Variants in POC5 observed in about 807,000 individuals in gnomAD.
POC5 encodes POC5 centriolar protein.
POC5 carries 48 observed loss-of-function variants against 62.9 expected under a neutral mutation model. The ratio of observed to expected loss-of-function variants is 0.76; its 90% CI spans 0.61 to 0.97. The LOEUF is 0.97. Ranked by LOEUF, POC5 falls within the 50% of genes least tolerant of loss-of-function variation. The pLI is 0.00. For synonymous variants in POC5, 236 were observed against 228.2 expected, an observed-to-expected ratio of 1.03 and a Z score of -0.31; for missense variants, 696 against 679.5, an observed-to-expected ratio of 1.02 and a Z score of -0.27.
intron 5 of POC5, among the ~76,000 whole-genome samples, chr5:75,701,249 G>T (rs1339029396): frequency 7.1e-5 from 10 of 140,862 alleles, no homozygotes; most frequent in East Asian, 2.0e-4. Context: ...TAAATCATGC[G>T]GCTATAAAGA....
At chr5:75,691,739 T>C (rs1776346651) in intron 7 of POC5, among the ~76,000 whole-genome samples, 1 of 152,158 alleles carries the variant, frequency 6.6e-6, no homozygotes, top group Non-Finnish European at 1.5e-5. Flanking sequence ...CCTATATTCA[T>C]GTGTCTCTAA....
At chr5:75,675,617 G>A (rs1435438777) in intron 11 of POC5, among the ~76,000 whole-genome samples, 1 of 152,040 alleles carries the variant, frequency 6.6e-6, no homozygotes, top group African/African-American at 2.4e-5. Flanking sequence ...TTATAAAAAC[G>A]TTTATTTGTA....
chr5:75,701,800 G>A (rs1043557790), intron 5 of POC5, among the ~76,000 whole-genome samples: 18 of 152,112 alleles, frequency 1.2e-4, no homozygotes, highest in Non-Finnish European at 2.5e-4. Context: ...TTAAAGGCCA[G>A]TAGTATCAAA....
In POC5 at chr5:75,707,864, T is replaced by C; in HGVS notation, c.96A>G (p.Glu32=). ...SVSSNLQEEY[E]ELLHYAIVTP... is the part of the protein sequence containing the mutation. ...TCACTATAGCATAATGAAGCAGTTC[T>C]TCATATTCTTCCTAAGAGAGGCCAA... Residue 32 remains glutamate (E), a synonymous_variant, in exon 3 of 12, where the codon GAA becomes GAG. Transcript: ENST00000428202. The C allele has an allele frequency of 3.2e-6, 5 of 1,584,514 alleles. No homozygotes were observed. The highest frequency in any genetic ancestry group is 4.3e-6 in the Non-Finnish European group (5 of 1,160,334).
chr5:75,694,709 A>G lies in POC5; in HGVS notation c.636T>C (p.Asn212=). 6.3e-7 allele frequency: 1 copy of G among 1,591,110 alleles called. No homozygotes were observed. The highest frequency in any genetic ancestry group is 8.5e-7 in the Non-Finnish European group (1 of 1,171,316). ...AGGTTTTTTGCAGCTCCTTCAATTC[A>G]TTGATCTGATTACACAGTTGTTTTA... ...AHLKQLCNQI[N]ELKELQKTFE... Residue 212 remains asparagine (N), a synonymous_variant, in exon 6 of 12, where the codon AAT becomes AAC. Coordinates refer to ENST00000428202, the MANE Select transcript of POC5 (RefSeq NM_001099271.2).
Position 75,685,453 on chromosome 5 carries a change from C to T in POC5, c.1161G>A (p.Glu387=). The change falls in exon 10 of 12, where the codon GAG becomes GAA. Residue 387 remains glutamate (E), a synonymous_variant. Transcript: ENST00000428202. ...CTTTTCCTTGAACACCAGGACCATA[C>T]TCTTCCTTTTTATTATTTGTGGAGT... The part of the protein sequence containing the change: ...GIDSTNNKKE[E]YGPGVQGKEH... 6.2e-7 allele frequency: 1 copy of T among 1,612,252 alleles called. No homozygotes were observed. Among genetic ancestry groups the T allele is most frequent in the Non-Finnish European group, 8.5e-7 (1 of 1,178,454 alleles).
At chr5:75,701,010 C>G (rs1433227679) in intron 5 of POC5, among the ~76,000 whole-genome samples, 1 of 128,000 alleles carries the variant, frequency 7.8e-6, no homozygotes, top group Non-Finnish European at 1.7e-5. Context: ...CAAATCAAAA[C>G]CACAATGAGA....
At chr5:75,701,168 C>T (rs2112169296) in intron 5 of POC5, among the ~76,000 whole-genome samples, 1 of 139,392 alleles carries the variant, frequency 7.2e-6, no homozygotes, top group African/African-American at 2.6e-5. Context: ...GTGGCGATTC[C>T]TCAGGGATCT....
chr5:75,685,516 C>A (rs1776068824), intron 9 of POC5, 32 bp from the exon 10 acceptor site: 1 of 1,581,038 alleles, frequency 6.3e-7, no homozygotes, highest in South Asian at 1.1e-5. Flanking sequence ...CATTCAAATT[C>A]TTCCAGGTTA....
intron 10 of POC5, among the ~76,000 whole-genome samples, chr5:75,683,528 TG>T (rs1775951911): frequency 6.6e-6 from 1 of 151,988 alleles, no homozygotes; most frequent in South Asian, 2.1e-4. Flanking sequence ...CCGCCGCGCA[TG>T]GCTTTTTTTA....
chr5:75,694,952 A>G (rs1161364972), intron 5 of POC5, 121 bp from the exon 6 acceptor site: 3 of 671,014 alleles, frequency 4.5e-6, no homozygotes, highest in Non-Finnish European at 7.1e-6. Context: ...AGTCATTAAA[A>G]CAATTGGAAC....
At chr5:75,693,177 T>C (rs1484481470) in intron 6 of POC5, among the ~76,000 whole-genome samples, 1 of 143,266 alleles carries the variant, frequency 7.0e-6, no homozygotes, top group Admixed American at 7.0e-5. Context: ...AATAACATTA[T>C]ATATAACTAA....
intron 1 of POC5, among the ~76,000 whole-genome samples, chr5:75,713,948 A>T (rs934574830): frequency 6.6e-6 from 1 of 152,218 alleles, no homozygotes; most frequent in African/African-American, 2.4e-5. Context: ...AAAAGTAAGG[A>T]GCAGCCAGAT....
In POC5 at chr5:75,699,365, C is replaced by G. The variant is rs1270598817; in HGVS notation, c.513+3240G>C. 7.9e-5 allele frequency among the ~76,000 whole-genome samples: 12 copies of G among 152,140 alleles called. No homozygotes were observed. The East Asian group carries it at 1.4e-3, about 17-fold the overall frequency. On this transcript the variant is annotated intron_variant, in intron 5 of 11. Transcript: ENST00000428202. Reference sequence around the variant, plus strand: ...TCCAGCAGCACATCAAAAAGCTTATCCACCATGATCAAGTGGGCTTCATCC... The same window carrying G: ...TCCAGCAGCACATCAAAAAGCTTATGCACCATGATCAAGTGGGCTTCATCC...
rs375234317 is a variant in POC5, at chr5:75,692,518, C to G, written c.691-18G>C. Reference sequence around the variant, plus strand: ...GAAATCACCTGTAAACAGCAATTAACCCAATTATTGTGATATTAAAATAAC... The same window carrying G: ...GAAATCACCTGTAAACAGCAATTAAGCCAATTATTGTGATATTAAAATAAC... On this transcript the variant is annotated intron_variant, in intron 6 of 11. Coordinates refer to ENST00000428202, the MANE Select transcript of POC5 (RefSeq NM_001099271.2). 1 of 1,521,644 alleles carries G rather than the reference C, an allele frequency of 6.6e-7. No homozygotes were observed. Among genetic ancestry groups the G allele is most frequent in the African/African-American group, 1.4e-5 (1 of 71,492 alleles). The allele number at this position is 1,521,644 out of a possible 1,614,324, so 94.3% of individuals were successfully genotyped here. A position where few individuals can be genotyped will look rare whatever the true frequency, so the allele number is the denominator to read the frequency against.
intron 6 of POC5, among the ~76,000 whole-genome samples, chr5:75,693,630 A>C (rs1172588049): frequency 6.6e-6 from 1 of 152,106 alleles, no homozygotes. Flanking sequence ...TGTTTCAAAA[A>C]AAATTCTATA....
chr5:75,692,614 T>G (rs1035035071), intron 6 of POC5, 114 bp from the exon 7 acceptor site: 2 of 553,860 alleles, frequency 3.6e-6, no homozygotes, highest in Non-Finnish European at 6.0e-6. Context: ...CACTACTATA[T>G]TCATTCAGTT....
At chr5:75,689,222 CA>C (rs1241177316) in intron 8 of POC5, 57 bp from the exon 9 acceptor site, 3 of 1,449,342 alleles carry the variant, frequency 2.1e-6, no homozygotes, top group Non-Finnish European at 1.8e-6. Flanking sequence ...AGAATACTGT[CA>C]AAAAAATAGA....
rs954117699 is a variant in POC5, at chr5:75,695,093, T to G, written c.514-262A>C. ...AAATCTTGTTGTCACTTAAAAAAAT[T>G]TCAGGTCTCATTCACTATGTTCCTT... On this transcript the variant is annotated intron_variant, in intron 5 of 11. Transcript: ENST00000428202. Among the ~76,000 whole-genome samples, 7 of 152,206 alleles carry G rather than the reference T, an allele frequency of 4.6e-5. No homozygotes were observed. In the South Asian group the frequency reaches 1.4e-3, roughly 32 times the overall value.
Sources: allele counts gnomAD v4.1 joint callset (sites outside exome capture counted in the v4.1 genomes callset), GRCh38; gene constraint gnomAD v4.1.1; transcripts MANE v1.5; gene names NCBI Gene and HGNC (gene_info 2026-07-23, HGNC 2026-07-21).